Variants in SVOP observed in about 807,000 individuals in gnomAD.
SVOP encodes the protein synaptic vesicle 2-related protein.
A neutral mutation model predicts 69.1 loss-of-function variants in SVOP; 17 were observed. The observed-to-expected ratio is 0.25, with a 90% confidence interval of 0.17 to 0.37. The LOEUF (loss-of-function observed/expected upper bound fraction) is 0.37. Ranked by LOEUF, SVOP falls within the 10% of genes least tolerant of loss-of-function variation. The pLI, the probability that SVOP is intolerant of heterozygous loss-of-function variation, is 1.00. For missense variants in SVOP, 435 were observed against 597.5 expected (o/e 0.73, Z 2.84); for synonymous variants, 238 against 238.6 (o/e 1.00, Z 0.02).
At position 108,908,460 on chromosome 12, in the gene SVOP, C is replaced by T. The variant is rs1320838679; in HGVS notation, c.*4075G>A. Reference sequence around the variant, plus strand: ...AGATTTCACAGAAAAACCTAGACTCCTCTTTTGAACATTGTAAGATCTGGT... The same window carrying T: ...AGATTTCACAGAAAAACCTAGACTCTTCTTTTGAACATTGTAAGATCTGGT... On this transcript the variant is annotated 3_prime_UTR_variant, in exon 16 of 16. Coordinates refer to ENST00000610966, the MANE Select transcript of SVOP (RefSeq NM_018711.5). 6.6e-6 allele frequency: 1 copy of T among 152,174 alleles called. No homozygotes were observed. Among genetic ancestry groups the T allele is most frequent in the Non-Finnish European group, 1.5e-5 (1 of 68,040 alleles). 9.4% of individuals were successfully genotyped at this position (152,174 alleles called of 1,614,324 possible).
In SVOP at chr12:108,978,704, A is replaced by T. The variant is rs1350048862; in HGVS notation, c.197-41T>A. The T allele has an allele frequency of 8.5e-6, 6 of 702,132 alleles. No individual in the cohort carries two copies. In the Admixed American group the frequency reaches 1.2e-4, roughly 14 times the overall value. 43.5% of individuals were successfully genotyped at this position (702,132 alleles called of 1,614,324 possible). A position where few individuals can be genotyped will look rare whatever the true frequency, so the allele number is the denominator to read the frequency against. ...GGAGAGGGAAGGAAGGAATCAGTGC[A>T]CCTTGCAGTTGTCCTAGTGTGGGGT... On this transcript the variant is annotated intron_variant, in intron 2 of 15. Coordinates refer to ENST00000610966, the MANE Select transcript of SVOP (RefSeq NM_018711.5).
Position 108,997,736 on chromosome 12 carries a change from C to T in SVOP, c.36-13975G>A, listed in dbSNP as rs1418870448. Among the ~76,000 whole-genome samples, 452 of 151,536 alleles carry T rather than the reference C, an allele frequency of 3.0e-3. 2 individuals carry two copies. The highest frequency in any genetic ancestry group is 1.0e-2 in the African/African-American group (410 of 41,204). On this transcript the variant is annotated intron_variant, in intron 1 of 15. Coordinates refer to ENST00000610966, the MANE Select transcript of SVOP (RefSeq NM_018711.5). ...CACAAGGCAGGGTATTCCAACAGAC[C>T]TGCAGCTGAGGGTCCTGTCTGTTAG... is the stretch of plus-strand genomic sequence containing the variant.
intron 1 of SVOP, among the ~76,000 whole-genome samples, chr12:109,002,232 GA>G (rs2040275870): frequency 2.5e-5 from 1 of 39,312 alleles, no homozygotes; most frequent in African/African-American, 7.2e-5. Flanking sequence ...GGCCATCAGA[GA>G]AATGCAAATC....
At chr12:108,976,014 T>C (rs1232183633) in intron 4 of SVOP, among the ~76,000 whole-genome samples, 2 of 152,048 alleles carry the variant, frequency 1.3e-5, no homozygotes, top group Non-Finnish European at 2.9e-5. Context: ...AGTTACTCTT[T>C]AGGAGACATT....
intron 1 of SVOP, among the ~76,000 whole-genome samples, chr12:108,992,264 G>A (rs984089003): frequency 1.3e-5 from 2 of 152,002 alleles, no homozygotes; most frequent in Non-Finnish European, 2.9e-5. Flanking sequence ...AGTCCTCAGG[G>A]GTGCAGTGGC....
At chr12:108,924,377 C>T (rs1012365352) in intron 11 of SVOP, among the ~76,000 whole-genome samples, 1 of 152,158 alleles carries the variant, frequency 6.6e-6, no homozygotes, top group Non-Finnish European at 1.5e-5. Context: ...GGGTGAGTGT[C>T]CCCCAAAGTT....
intron 6 of SVOP, among the ~76,000 whole-genome samples, chr12:108,952,681 C>G (rs950627476): frequency 1.3e-5 from 2 of 152,014 alleles, no homozygotes; most frequent in African/African-American, 4.8e-5. Context: ...CTGTGCCCTG[C>G]AGCCCATCTC....
At position 108,980,752 on chromosome 12, in the gene SVOP, G is replaced by A. The variant is rs1250618279; in HGVS notation, c.197-2089C>T. On this transcript the variant is annotated intron_variant, in intron 2 of 15. Coordinates refer to ENST00000610966, the MANE Select transcript of SVOP (RefSeq NM_018711.5). ...GGCCTGGGCAACAGAGCGAGACTCC[G>A]TCTCAAAAAAAAAAAAAAAAAAATT... Among the ~76,000 whole-genome samples, 14 of 57,676 alleles carry A rather than the reference G, an allele frequency of 2.4e-4. 1 individual carries two copies. Among genetic ancestry groups the A allele is most frequent in the Admixed American group, 5.1e-4 (3 of 5,844 alleles). 37.8% of individuals were successfully genotyped at this position (57,676 alleles called of 152,430 possible). A position where few individuals can be genotyped will look rare whatever the true frequency, so the allele number is the denominator to read the frequency against.
chr12:108,989,708 A>C (rs182052759), intron 1 of SVOP, among the ~76,000 whole-genome samples: 150 of 152,316 alleles, frequency 9.8e-4, no homozygotes, highest in South Asian at 7.9e-3. Flanking sequence ...TAGCTGGGGG[A>C]GTGCCAGCCT....
chr12:108,941,363 C>G lies in SVOP; in HGVS notation c.643-454G>C, dbSNP rs140405220. Among the ~76,000 whole-genome samples, 36 of 152,264 alleles carry G rather than the reference C, an allele frequency of 2.4e-4. No individual in the cohort carries two copies. The East Asian group carries it at 6.8e-3, about 29-fold the overall frequency. On this transcript the variant is annotated intron_variant, in intron 7 of 15. Transcript: ENST00000610966. Reference sequence around the variant, plus strand: ...TCAGCCTCCTGAGTGGCTGGAACTACAGGCACATGCCACCATGCCTGGCTA... The same window carrying G: ...TCAGCCTCCTGAGTGGCTGGAACTAGAGGCACATGCCACCATGCCTGGCTA...
intron 1 of SVOP, among the ~76,000 whole-genome samples, chr12:109,002,069 G>C (rs2040274610): frequency 7.3e-6 from 1 of 136,320 alleles, no homozygotes; most frequent in Non-Finnish European, 1.6e-5. Flanking sequence ...ATCTGACAAA[G>C]GGCTAATATC....
At chr12:108,913,189 G>A (rs1008862314) in intron 15 of SVOP, among the ~76,000 whole-genome samples, 2 of 151,974 alleles carry the variant, frequency 1.3e-5, no homozygotes, top group African/African-American at 4.8e-5. Flanking sequence ...CTCCTCCCAA[G>A]TAGCTGGGAT....
intron 9 of SVOP, 61 bp downstream of exon 9, chr12:108,938,766 C>T (rs1358221980): frequency 5.0e-6 from 8 of 1,609,540 alleles, no homozygotes; most frequent in Non-Finnish European, 5.9e-6. Context: ...TCCATATGCA[C>T]ACACTCCCCT....
chr12:108,927,755 C>T (rs987670974), intron 11 of SVOP, among the ~76,000 whole-genome samples: 6 of 152,080 alleles, frequency 3.9e-5, no homozygotes, highest in Admixed American at 1.3e-4. Context: ...CACACCAAGT[C>T]AGGCTACTTT....
intron 5 of SVOP, among the ~76,000 whole-genome samples, chr12:108,971,949 A>T (rs2040081864): frequency 6.6e-6 from 1 of 151,806 alleles, no homozygotes; most frequent in Non-Finnish European, 1.5e-5. Context: ...AGCTGCTTGG[A>T]GGGCTAAGGT....
At chr12:108,961,496 A>G (rs1285072342) in intron 5 of SVOP, among the ~76,000 whole-genome samples, 2 of 150,892 alleles carry the variant, frequency 1.3e-5, no homozygotes, top group African/African-American at 4.9e-5. Flanking sequence ...CTTTCAGGTA[A>G]GTCAAAAGAA....
Position 108,936,183 on chromosome 12 carries a change from C to A in SVOP, c.971+1081G>T, listed in dbSNP as rs565309986. Among the ~76,000 whole-genome samples, 99 of 152,140 alleles carry A rather than the reference C, an allele frequency of 6.5e-4. 1 individual carries two copies. Among genetic ancestry groups the A allele is most frequent in the African/African-American group, 2.3e-3 (95 of 41,522 alleles). On this transcript the variant is annotated intron_variant, in intron 10 of 15. Coordinates refer to ENST00000610966, the MANE Select transcript of SVOP (RefSeq NM_018711.5). Reference sequence around the variant, plus strand: ...CCCCCAGCCTCCCAAGTAGCTGGGACTACAGGTGCCCACCACCATGCCTGG... The same window carrying A: ...CCCCCAGCCTCCCAAGTAGCTGGGAATACAGGTGCCCACCACCATGCCTGG...
intron 6 of SVOP, among the ~76,000 whole-genome samples, chr12:108,951,257 C>T (rs911335788): frequency 3.3e-5 from 5 of 152,172 alleles, no homozygotes; most frequent in Non-Finnish European, 7.3e-5. Flanking sequence ...GCGTGGGTTA[C>T]CTTACTCCAG....
chr12:108,936,196 C>G (rs140952300), intron 10 of SVOP, among the ~76,000 whole-genome samples: 15 of 152,216 alleles, frequency 9.9e-5, no homozygotes, highest in Non-Finnish European at 2.1e-4. Flanking sequence ...CAGGTGCCCA[C>G]CACCATGCCT....
Sources: gnomAD v4.1 joint callset for allele counts (sites outside exome capture counted in the v4.1 genomes callset) on GRCh38, gnomAD v4.1.1 for gene constraint, MANE v1.5 for transcripts, NCBI Gene and HGNC (gene_info 2026-07-23, HGNC 2026-07-21) for gene names.